Variants in LRRC37B observed in about 807,000 individuals in gnomAD.
LRRC37B encodes the protein leucine-rich repeat-containing protein 37B.
In LRRC37B, 28 loss-of-function variants were observed where a neutral mutation model predicts 98.3. That is an observed-to-expected ratio of 0.28 (90% CI 0.21 to 0.39). The LOEUF (loss-of-function observed/expected upper bound fraction) is 0.39, where lower values mean the gene tolerates loss of function less well. Ranked by LOEUF, LRRC37B falls within the 10% of genes least tolerant of loss-of-function variation. LRRC37B has a pLI of 1.00. For missense variants in LRRC37B, 938 were observed against 1,182.7 expected (o/e 0.79, Z 3.03); for synonymous variants, 364 against 442.7 (o/e 0.82, Z 2.23).
chr17:32,021,520 G>A lies in LRRC37B; in HGVS notation c.455G>A (p.Arg152Gln), dbSNP rs866051622. Residue 152 changes from arginine (R) to glutamine (Q), a missense_variant, in exon 1 of 12, where the codon CGG becomes CAG. Physicochemically the swap from Arg to Gln is conservative, Grantham distance 43. Transcript: ENST00000327564. ...GCACATCAGGACTTAAATGACAAGC[G>A]GACTCCAGAAGAAAGGCTCCCAGAG... The A allele has an allele frequency of 9.3e-6, 15 of 1,613,828 alleles. No individual in the cohort carries two copies. The highest frequency in any genetic ancestry group is 1.7e-4 in the Middle Eastern group (1 of 5,846).
chr17:32,012,586 C>T (rs1195418603), intron 1 of LRRC37B, among the ~76,000 whole-genome samples: 1 of 151,700 alleles, frequency 6.6e-6, no homozygotes, highest in Non-Finnish European at 1.5e-5. Flanking sequence ...TGTGGTGGCA[C>T]ACGTCTGTAG....
At chr17:32,041,758 C>T (rs776979517) in intron 7 of LRRC37B, 1 of 457,954 alleles carries the variant, frequency 2.2e-6, no homozygotes, top group South Asian at 1.5e-5. Flanking sequence ...GGTGACGGCT[C>T]CCTTCCTCAC....
intron 7 of LRRC37B, 99 bp downstream of exon 10, chr17:32,035,738 T>A: frequency 1.6e-6 from 2 of 1,264,758 alleles, no homozygotes; most frequent in Non-Finnish European, 2.2e-6. Flanking sequence ...AATTTTCATA[T>A]AACATTCACC....
chr17:32,023,120 CT>C (rs1224317741), intron 1 of LRRC37B, among the ~76,000 whole-genome samples: 1,467 of 133,066 alleles, frequency 0.011, 6 homozygotes, highest in Middle Eastern at 0.037. Flanking sequence ...GCTTCACCCT[CT>C]TTTTTTTTTT....
chr17:32,024,422 G>C lies in LRRC37B; in HGVS notation c.1761-289G>C, dbSNP rs1016162994. On this transcript the variant is annotated intron_variant, in intron 1 of 11. Transcript: ENST00000327564. ...TAGGAGTTTGTTTAGACACATAAGT[G>C]CTTTTGGATAAAATACTTACATTCA... 11 of 638,566 alleles carry C rather than the reference G, an allele frequency of 1.7e-5. No individual in the cohort carries two copies. In the Admixed American group the frequency reaches 2.0e-4, roughly 11 times the overall value. 39.6% of individuals were successfully genotyped at this position (638,566 alleles called of 1,614,324 possible). A position where few individuals can be genotyped will look rare whatever the true frequency, so the allele number is the denominator to read the frequency against.
chr17:32,027,643 G>C (rs9674891), intron 2 of LRRC37B, 126 bp from the exon 6 acceptor site: 245 of 1,137,710 alleles, frequency 2.2e-4, no homozygotes, highest in African/African-American at 9.8e-4. Context: ...TTGAACGAAA[G>C]CAGAGCAGAT....
chr17:32,047,464 C>T (rs1911619546), intron 8 of LRRC37B: 2 of 420,160 alleles, frequency 4.8e-6, no homozygotes, highest in Non-Finnish European at 4.5e-6. Flanking sequence ...ACTTGTCTTC[C>T]ACCTTGGGCT....
At chr17:32,017,526 C>T (rs928922710), upstream of LRRC37B, among the ~76,000 whole-genome samples, 8 of 152,078 alleles carry the variant, frequency 5.3e-5, no homozygotes, top group African/African-American at 1.9e-4. Context: ...GCTGTGAGAC[C>T]GGACATGGTG....
At position 32,027,453 on chromosome 17, in the gene LRRC37B, GTGTGTGTGTGCTTGCC is replaced by G. The variant is rs1910997208; in HGVS notation, c.1833-301_1833-286del. Among the ~76,000 whole-genome samples the G allele has an allele frequency of 2.0e-5, 3 of 148,612 alleles. 1 individual carries two copies. The highest frequency in any genetic ancestry group is 4.2e-4 in the South Asian group (2 of 4,744). On this transcript the variant is annotated intron_variant, in intron 2 of 11. Transcript: ENST00000327564. ...TGCCTGTGTGTGTGTGCTTGCCTGTGTGTGTGTGTGCTTGCCTGTGTGTGTGCTTGTGTGTGGGTGT... is the reference window on the plus strand; with the variant it reads ...TGCCTGTGTGTGTGTGCTTGCCTGTGTGTGTGTGTGCTTGTGTGTGGGTGT...
At chr17:32,049,485 G>C (rs1247560524) in intron 10 of LRRC37B, 91 bp downstream of exon 13, 1 of 1,390,184 alleles carries the variant, frequency 7.2e-7, no homozygotes, top group Non-Finnish European at 9.6e-7. Flanking sequence ...GGGACTCCCA[G>C]GCCATAGCTT....
chr17:32,008,807 A>G (rs1910467134), intron 1 of LRRC37B, among the ~76,000 whole-genome samples: 1 of 152,240 alleles, frequency 6.6e-6, no homozygotes, highest in Admixed American at 6.5e-5. Context: ...AGCAAAGCAG[A>G]AAGCCAAACA....
intron 7 of LRRC37B, among the ~76,000 whole-genome samples, chr17:32,036,699 G>A (rs776218193): frequency 1.2e-4 from 18 of 152,134 alleles, no homozygotes; most frequent in Non-Finnish European, 1.9e-4. Flanking sequence ...TTGTGTGGAT[G>A]TATCAATTTG....
intron 3 of LRRC37B, among the ~76,000 whole-genome samples, chr17:32,029,546 G>C (rs1911056328): frequency 2.6e-5 from 4 of 152,038 alleles, no homozygotes; most frequent in Admixed American, 2.6e-4. Context: ...GCTGTTACTA[G>C]AACAATCCCA....
At chr17:32,012,780 G>A (rs533018796) in intron 1 of LRRC37B, among the ~76,000 whole-genome samples, 1 of 152,290 alleles carries the variant, frequency 6.6e-6, no homozygotes, top group South Asian at 2.1e-4. Context: ...ACTTTGGGAG[G>A]CCGAGGAGGG....
In LRRC37B at chr17:32,049,231, G is replaced by A. The variant is rs1403035945; in HGVS notation, c.2594G>A (p.Ser865Asn). Residue 865 changes from serine to asparagine, a missense_variant, in exon 10 of 12, where the codon AGC (serine) becomes AAC (asparagine). Physicochemically the swap from Ser to Asn is conservative, Grantham distance 46. Coordinates refer to ENST00000327564, the Ensembl canonical transcript of LRRC37B. The stretch of plus-strand genomic sequence containing the variant: ...TGTTCAGAAACACATGTGCAAGGGA[G>A]CTGTGCCAAGCTCATGTTGCGAACA... 8 of 1,614,096 alleles carry A rather than the reference G, an allele frequency of 5.0e-6. No homozygotes were observed. The highest frequency in any genetic ancestry group is 6.8e-6 in the Non-Finnish European group (8 of 1,180,026).
chr17:32,049,973 TC>T, intron 10 of LRRC37B, 29 bp from the exon 14 acceptor site: 1 of 1,324,072 alleles, frequency 7.6e-7, no homozygotes, highest in South Asian at 1.3e-5. Context: ...AATTGTTCTT[TC>T]TTTTTTCTTT....
chr17:32,022,175 C>G, exon 1 of LRRC37B: 1 of 1,613,886 alleles, frequency 6.2e-7, no homozygotes. Flanking sequence ...AGTTTACAGT[C>G]AAACCTGCAG....
intron 1 of LRRC37B, among the ~76,000 whole-genome samples, chr17:32,023,398 C>T (rs1170875594): frequency 6.6e-6 from 1 of 152,182 alleles, no homozygotes; most frequent in African/African-American, 2.4e-5. Context: ...GCTGGGATTA[C>T]AGGCGTGAGC....
At chr17:32,052,053 CTG>C (rs1911775446) in intron 11 of LRRC37B, 1 of 151,996 alleles carries the variant, frequency 6.6e-6, no homozygotes, top group Admixed American at 6.6e-5. Flanking sequence ...AGCCACCGTA[CTG>C]AATTCTCATA....
Sources: allele counts gnomAD v4.1 joint callset (sites outside exome capture counted in the v4.1 genomes callset), GRCh38; gene constraint gnomAD v4.1.1; transcripts MANE v1.5; gene names NCBI Gene and HGNC (gene_info 2026-07-23, HGNC 2026-07-21).